AHCTF1: variants seen among roughly 807,000 people sequenced by gnomAD.
AHCTF1 encodes protein ELYS.
In AHCTF1, 24 loss-of-function variants were observed where a neutral mutation model predicts 248.4. That is an observed-to-expected ratio of 0.10 (90% CI 0.07 to 0.14). AHCTF1 has a LOEUF of 0.14. Among genes scored for constraint, AHCTF1 ranks in the 10% least tolerant of loss-of-function variants. The pLI is 1.00. For missense variants in AHCTF1, 2,206 were observed against 2,636.2 expected (o/e 0.84, Z 3.57); for synonymous variants, 786 against 929.8 (o/e 0.85, Z 2.81).
rs1157069503 is a variant in AHCTF1, at chr1:246,885,561, C to T, written c.2592G>A (p.Gln864=). The change falls in exon 21 of 36, where the codon CAG becomes CAA. Residue 864 remains glutamine, a synonymous_variant. Coordinates refer to ENST00000648844, the MANE Select transcript of AHCTF1 (RefSeq NM_001323342.2). ...GEHRQALRYI[Q]TMKPTVSSGN... is the part of the protein sequence containing the mutation. ...CACTGGACACTGTTGGCTTCATTGT[C>T]TGAATATATCTGAGGGCTTGTCTGT... 3 of 1,611,202 alleles carry T rather than the reference C, an allele frequency of 1.9e-6. No homozygotes were observed. The highest frequency in any genetic ancestry group is 2.7e-5 in the African/African-American group (2 of 74,794).
intron 4 of AHCTF1, among the ~76,000 whole-genome samples, chr1:246,911,780 A>C (rs1228478190): frequency 6.6e-6 from 1 of 152,048 alleles, no homozygotes; most frequent in African/African-American, 2.4e-5. Flanking sequence ...CACGGCGCCC[A>C]GCTCTTCTAT....
At position 246,918,417 on chromosome 1, in the gene AHCTF1, T is replaced by C. The variant is rs770456149; in HGVS notation, c.-7-40A>G. On this transcript the variant is annotated intron_variant, in intron 1 of 35. Coordinates refer to ENST00000648844, the MANE Select transcript of AHCTF1 (RefSeq NM_001323342.2). ...AAAAGAAAACATTATTATGACACAT[T>C]TGTAGACAATATACTTGATTATGTC... is the stretch of plus-strand genomic sequence containing the variant. 18 of 1,564,130 alleles carry C rather than the reference T, an allele frequency of 1.2e-5. No individual in the cohort carries two copies. In the South Asian group the frequency reaches 2.0e-4, roughly 18 times the overall value.
chr1:246,867,264 T>G lies in AHCTF1; in HGVS notation c.3327A>C (p.Lys1109Asn). The G allele has an allele frequency of 6.3e-7, 1 of 1,598,460 alleles. No individual in the cohort carries two copies. Among genetic ancestry groups the G allele is most frequent in the Non-Finnish European group, 8.5e-7 (1 of 1,170,986 alleles). The change falls in exon 26 of 36, where the codon AAA becomes AAC. Residue 1109 changes from lysine (K) to asparagine (N), a missense_variant. Physicochemically the swap from Lys to Asn is moderately conservative, Grantham distance 94 (BLOSUM62 0). This residue lies in a region of AHCTF1 where 955 missense variants were observed against 1,055.6 expected (regional missense o/e 0.90). Coordinates refer to ENST00000648844, the MANE Select transcript of AHCTF1 (RefSeq NM_001323342.2). ...CTTACCTAGAAATTTTTTGTGATGCTTTTGAAATTGGTGTTCCAAAAAATG... is the reference window on the plus strand; with the variant it reads ...CTTACCTAGAAATTTTTTGTGATGCGTTTGAAATTGGTGTTCCAAAAAATG... ...PEAFFGTPIS[K>N]ASQKISRLLD...
At chr1:246,855,926 A>C in intron 30 of AHCTF1, 99 bp from the exon 31 acceptor site, 1 of 721,756 alleles carries the variant, frequency 1.4e-6, no homozygotes, top group Non-Finnish European at 2.2e-6. Context: ...GGTGATGTAA[A>C]CTGAGGTTCA....
rs1234017506 is a variant in AHCTF1 at position 246,850,019 on chromosome 1, C to T, written c.5987G>A (p.Ser1996Asn). 6 of 1,613,610 alleles carry T rather than the reference C, an allele frequency of 3.7e-6. No individual in the cohort carries two copies. Among genetic ancestry groups the T allele is most frequent in the Non-Finnish European group, 5.1e-6 (6 of 1,179,832 alleles). Residue 1996 changes from serine (S) to asparagine (N), a missense_variant, in exon 33 of 36, where the codon AGC (serine) becomes AAC (asparagine). Coordinates refer to ENST00000648844, the MANE Select transcript of AHCTF1 (RefSeq NM_001323342.2). ...VGSKAVKEER[S>N]PKKKEAPSIR... ...GCTGGGAGCTTCTTTCTTCTTGGGG[C>T]TTCTCTCTTCCTTAACAGCCTTAGA...
Position 246,864,074 on chromosome 1 carries a change from C to A in AHCTF1, c.3390G>T (p.Gln1130His), listed in dbSNP as rs760242005. 6.2e-7 allele frequency: 1 copy of A among 1,614,156 alleles called. No individual in the cohort carries two copies. The highest frequency in any genetic ancestry group is 8.5e-7 in the Non-Finnish European group (1 of 1,180,018). ...LVVQPVPRPSQCSEFIQQSSM... is the reference protein window; with the variant it reads ...LVVQPVPRPSHCSEFIQQSSM... ...AGCTTTGCTGAATAAACTCCGAACA[C>A]TGAGAAGGCCGGGGGACAGGCTGAA... The change falls in exon 27 of 36, where the codon CAG becomes CAT. Residue 1130 changes from glutamine to histidine, a missense_variant. Gln to His is a conservative substitution (Grantham distance 24). Coordinates refer to ENST00000648844, the MANE Select transcript of AHCTF1 (RefSeq NM_001323342.2).
intron 15 of AHCTF1, 25 bp from the exon 16 acceptor site, chr1:246,891,085 T>C (rs1220930943): frequency 4.1e-6 from 6 of 1,461,524 alleles, no homozygotes; most frequent in Non-Finnish European, 4.6e-6. Context: ...TAACATCAGT[T>C]GTTTACTTAC....
intron 17 of AHCTF1, 79 bp downstream of exon 17, chr1:246,889,887 C>T (rs977965479): frequency 2.0e-6 from 2 of 1,000,164 alleles, no homozygotes; most frequent in African/African-American, 3.3e-5. Flanking sequence ...CCCATTTAAT[C>T]ACTTTGTAAA....
In AHCTF1 at chr1:246,870,042, T is replaced by G. The variant is rs533887274; in HGVS notation, c.3089-2231A>C. Among the ~76,000 whole-genome samples the G allele has an allele frequency of 2.0e-5, 3 of 149,312 alleles. No individual in the cohort carries two copies. The East Asian group carries it at 5.9e-4, about 29-fold the overall frequency. On this transcript the variant is annotated intron_variant, in intron 24 of 35. Coordinates refer to ENST00000648844, the MANE Select transcript of AHCTF1 (RefSeq NM_001323342.2). ...TCAAACTATGCACATTAAAAGGAGT[T>G]TGTAAGAAGGTGATTCCATCTTTCA...
chr1:246,891,031 C>T lies in AHCTF1; in HGVS notation c.1975G>A (p.Val659Ile), dbSNP rs200702767. Residue 659 changes from valine (V) to isoleucine (I), a missense_variant, in exon 16 of 36, where the codon GTT (valine) becomes ATT (isoleucine). Physicochemically the swap from Val to Ile is conservative, Grantham distance 29. This residue lies in a region of AHCTF1 where 650 missense variants were observed against 870.8 expected (regional missense o/e 0.75). Coordinates refer to ENST00000648844, the MANE Select transcript of AHCTF1 (RefSeq NM_001323342.2). ...GLIDLSNKFV[V>I]SHLICQYAQV... ...GCATACTGACAGATGAGGTGGGAAA[C>T]CACAAACTTATTGCTTAAGTCTATC... 226 of 1,554,326 alleles carry T rather than the reference C, an allele frequency of 1.5e-4. No homozygotes were observed. Among genetic ancestry groups the T allele is most frequent in the Middle Eastern group, 1.4e-3 (8 of 5,904 alleles).
At chr1:246,853,885 TAAAAC>T (rs1381759319) in intron 31 of AHCTF1, among the ~76,000 whole-genome samples, 2 of 151,806 alleles carry the variant, frequency 1.3e-5, no homozygotes, top group Non-Finnish European at 2.9e-5. Context: ...TGGATACTAA[TAAAAC>T]AAAATGAAAA....
intron 24 of AHCTF1, among the ~76,000 whole-genome samples, chr1:246,868,507 G>A (rs1041674533): frequency 4.0e-5 from 6 of 151,654 alleles, no homozygotes; most frequent in Admixed American, 6.6e-5. Context: ...CTCCCTCCTC[G>A]GCCTCTCAAA....
chr1:246,916,095 G>C (rs1553304024), intron 3 of AHCTF1, 47 bp downstream of exon 3: 1 of 1,580,098 alleles, frequency 6.3e-7, no homozygotes. Flanking sequence ...ACCAGCAGGG[G>C]TTCAGTTTTG....
chr1:246,899,525 T>C lies in AHCTF1; in HGVS notation c.1433-13A>G. On this transcript the variant is annotated splice_polypyrimidine_tract_variant and intron_variant, in intron 10 of 35. Transcript: ENST00000648844. ...AAACAAGTGGCATCTAAAAAAAAGA[T>C]TTAAAAAATAATCCACTTACATATA... 1 of 1,601,524 alleles carries C rather than the reference T, an allele frequency of 6.2e-7. No individual in the cohort carries two copies. The highest frequency in any genetic ancestry group is 8.5e-7 in the Non-Finnish European group (1 of 1,172,730).
At chr1:246,931,090 A>G in intron 1 of AHCTF1, 2 of 1,546,402 alleles carry the variant, frequency 1.3e-6, no homozygotes, top group Non-Finnish European at 1.7e-6. Context: ...CTCACGGCTG[A>G]GCCCCGAGTC....
At chr1:246,882,010 T>G (rs1441800382) in intron 21 of AHCTF1, among the ~76,000 whole-genome samples, 2 of 146,714 alleles carry the variant, frequency 1.4e-5, no homozygotes, top group Non-Finnish European at 1.5e-5. Flanking sequence ...TTTTGTTTTT[T>G]TTTTTGAGAT....
intron 29 of AHCTF1, among the ~76,000 whole-genome samples, chr1:246,859,479 CTGTT>C (rs1182206642): frequency 1.3e-5 from 2 of 152,196 alleles, no homozygotes; most frequent in East Asian, 1.9e-4. Flanking sequence ...ACTTGACTCA[CTGTT>C]TGATCTTCAA....
chr1:246,919,649 G>A (rs576220958), intron 1 of AHCTF1, among the ~76,000 whole-genome samples: 1 of 149,110 alleles, frequency 6.7e-6, no homozygotes, highest in African/African-American at 2.5e-5. Context: ...GGAGGTGGAG[G>A]TTGCAGTGAG....
intron 3 of AHCTF1, among the ~76,000 whole-genome samples, chr1:246,915,723 T>C (rs1666098494): frequency 6.6e-6 from 1 of 152,150 alleles, no homozygotes; most frequent in Non-Finnish European, 1.5e-5. Flanking sequence ...AATGCTCCAA[T>C]CCAAGACTAT....
Sources: gnomAD v4.1 joint callset for allele counts (sites outside exome capture counted in the v4.1 genomes callset) on GRCh38, gnomAD v4.1.1 for gene constraint, gnomAD v4.1.1 regional missense constraint, MANE v1.5 for transcripts, NCBI Gene and HGNC (gene_info 2026-07-23, HGNC 2026-07-21) for gene names.